Variants in AURKA observed in about 807,000 individuals in gnomAD.
AURKA encodes aurora 2.
A neutral mutation model predicts 40.9 loss-of-function variants in AURKA; 12 were observed. The ratio of observed to expected loss-of-function variants is 0.29; its 90% CI spans 0.19 to 0.48. AURKA has a LOEUF of 0.48. AURKA is among the 20% of genes least tolerant of loss of function. The pLI, the probability that AURKA is intolerant of heterozygous loss-of-function variation, is 0.99. For synonymous variants in AURKA, 170 were observed against 164.3 expected (o/e 1.03, Z -0.26); for missense variants, 322 against 462.1 (o/e 0.70, Z 2.78).
At position 56,369,802 on chromosome 20, in the gene AURKA, C is replaced by G; in HGVS notation, c.*356G>C. ...GTTATTGCACAGCTCCTTAACTGATCGGGGTCAGGGCAGAGTGGTCACTTT... is the reference window on the plus strand; with the variant it reads ...GTTATTGCACAGCTCCTTAACTGATGGGGGTCAGGGCAGAGTGGTCACTTT... On this transcript the variant is annotated 3_prime_UTR_variant, in exon 9 of 9. Coordinates refer to ENST00000395915, the MANE Select transcript of AURKA (RefSeq NM_198437.3). The G allele has an allele frequency of 2.2e-6, 1 of 463,772 alleles. No individual in the cohort carries two copies. The highest frequency in any genetic ancestry group is 4.0e-6 in the Non-Finnish European group (1 of 250,778). 28.7% of individuals were successfully genotyped at this position (463,772 alleles called of 1,614,324 possible). A position where few individuals can be genotyped will look rare whatever the true frequency, so the allele number is the denominator to read the frequency against.
intron 1 of AURKA, among the ~76,000 whole-genome samples, chr20:56,389,734 A>G (rs1429953879): frequency 6.6e-6 from 1 of 152,130 alleles, no homozygotes; most frequent in African/African-American, 2.4e-5. Flanking sequence ...GTCTCTAGAC[A>G]TCCTCATCTC....
At chr20:56,383,745 G>T (rs1328166354) in intron 4 of AURKA, among the ~76,000 whole-genome samples, 2 of 152,288 alleles carry the variant, frequency 1.3e-5, no homozygotes, top group East Asian at 3.9e-4. Context: ...AGAGTCTGTG[G>T]GTTCATTCCT....
intron 1 of AURKA, among the ~76,000 whole-genome samples, chr20:56,389,560 T>TC (rs974141992): frequency 7.9e-5 from 12 of 152,246 alleles, no homozygotes; most frequent in Admixed American, 7.8e-4. Context: ...GGCTGAGGAC[T>TC]CCCAAATATT....
intron 1 of AURKA, chr20:56,388,419 G>A (rs1450011619): frequency 3.2e-5 from 19 of 593,330 alleles, no homozygotes; most frequent in East Asian, 1.4e-4. Flanking sequence ...CCTCTGTCAC[G>A]GAGTCTTCAC....
In AURKA at chr20:56,373,510, C is replaced by G. The variant is rs369218936; in HGVS notation, c.752G>C (p.Arg251Thr). The change falls in exon 7 of 9, where the codon AGA becomes ACA. Residue 251 changes from arginine (R) to threonine (T), a missense_variant. Arg to Thr is a moderately conservative substitution (Grantham distance 71). Transcript: ENST00000395915. The surrounding 1 kb of genome is among the most constrained non-coding windows in gnomAD (Gnocchi z 5.0). ...ANALSYCHSK[R>T]VIHRDIKPEN... is the part of the protein sequence containing the mutation. The stretch of plus-strand genomic sequence containing the variant: ...TGGCTTAATGTCTCTATGAATAACT[C>G]TCTTCGAATGACAGTAAGACAGGGC... 8.5e-5 allele frequency: 137 copies of G among 1,614,112 alleles called. No individual in the cohort carries two copies. Among genetic ancestry groups the G allele is most frequent in the Non-Finnish European group, 1.1e-4 (128 of 1,180,042 alleles).
chr20:56,391,621 A>G (rs887988976), intron 1 of AURKA, among the ~76,000 whole-genome samples: 17 of 152,174 alleles, frequency 1.1e-4, no homozygotes, highest in African/African-American at 3.9e-4. Flanking sequence ...TCTGAGAAGT[A>G]CGGACCGGGA....
intron 2 of AURKA, 109 bp downstream of exon 2, chr20:56,388,047 G>C: frequency 6.5e-6 from 1 of 153,226 alleles, no homozygotes; most frequent in South Asian, 6.6e-5. Flanking sequence ...CAGGATCACA[G>C]TAAGGGATCT....
rs1371585869 is a variant in AURKA, at chr20:56,386,274, G to T, written c.302C>A (p.Pro101His). Residue 101 changes from proline (P) to histidine (H), a missense_variant, in exon 3 of 9, where the codon CCC becomes CAC. Pro to His is a moderately conservative substitution (Grantham distance 77). Transcript: ENST00000395915. Reference protein sequence around the residue: ...PLNNTQKSKQPLPSAPENNPE... With the variant: ...PLNNTQKSKQHLPSAPENNPE... ...TAGTTTACCAGGTGCCGATGGCAGG[G>T]GCTGCTTGCTCTTTTGGGTGTTATT... 6.2e-7 allele frequency: 1 copy of T among 1,614,114 alleles called. No individual in the cohort carries two copies. Among genetic ancestry groups the T allele is most frequent in the Admixed American group, 1.7e-5 (1 of 60,006 alleles).
chr20:56,369,963 T>G lies in AURKA; in HGVS notation c.*195A>C. On this transcript the variant is annotated 3_prime_UTR_variant, in exon 9 of 9. Coordinates refer to ENST00000395915, the MANE Select transcript of AURKA (RefSeq NM_198437.3). ...GCACAATTCTCGTGGCTACTTTCAC[T>G]TCAGAGTGTCATGTTTATTGATGTG... The G allele has an allele frequency of 1.4e-6, 1 of 712,628 alleles. No homozygotes were observed. The highest frequency in any genetic ancestry group is 2.1e-5 in the Admixed American group (1 of 47,008). 44.1% of individuals were successfully genotyped at this position (712,628 alleles called of 1,614,324 possible). A position where few individuals can be genotyped will look rare whatever the true frequency, so the allele number is the denominator to read the frequency against.
At chr20:56,385,689 G>A (rs1986270670) in intron 3 of AURKA, among the ~76,000 whole-genome samples, 2 of 152,102 alleles carry the variant, frequency 1.3e-5, no homozygotes, top group Non-Finnish European at 1.5e-5. Flanking sequence ...TCCAACTCCT[G>A]ACCTCAGGTG....
At chr20:56,371,324 T>G (rs1195375000) in intron 7 of AURKA, among the ~76,000 whole-genome samples, 2 of 151,194 alleles carry the variant, frequency 1.3e-5, no homozygotes, top group African/African-American at 2.4e-5. Flanking sequence ...TAGCCGGGTG[T>G]GGTGGTGTGC....
chr20:56,371,611 GACCACAGAGACAATCCA>G (rs1037349618), intron 7 of AURKA, among the ~76,000 whole-genome samples: 2 of 151,850 alleles, frequency 1.3e-5, no homozygotes, highest in Non-Finnish European at 2.9e-5. Context: ...TCTGGCTTTA[GACCACAGAGACAATCCA>G]ACCACAGAGA....
Position 56,370,610 on chromosome 20 carries a change from C to A in AURKA, c.904G>T (p.Glu302Ter). Residue 302 changes from glutamate to a stop codon, truncating the protein, a stop_gained, in exon 8 of 9, where the codon GAA becomes TAA. Transcript: ENST00000395915. LOFTEE classifies it high-confidence loss of function. ...TLDYLPPEMIEGRMHDEKVDL... is the reference protein window; with the variant it reads ...TLDYLPPEMI ...ACCTTCTCATCATGCATCCGACCTT[C>A]AATCATTTCAGGGGGCAGGTAGTCC... The A allele has an allele frequency of 6.2e-7, 1 of 1,614,198 alleles. No homozygotes were observed. The highest frequency in any genetic ancestry group is 8.5e-7 in the Non-Finnish European group (1 of 1,180,048).
rs2146143207 is a variant in AURKA at position 56,373,787 on chromosome 20, C to CA, written c.706-232dup. ...GAAACATAGCAAGACTCCATCTCTA[C>CA]AAAAATTTAAAAATTAGCTGAGCGT... On this transcript the variant is annotated intron_variant, in intron 6 of 8. Coordinates refer to ENST00000395915, the MANE Select transcript of AURKA (RefSeq NM_198437.3). This position sits in a 1 kb window ranked among gnomAD's most constrained non-coding sequence, Gnocchi z 5.0. 6.6e-6 allele frequency among the ~76,000 whole-genome samples: 1 copy of CA among 152,014 alleles called. No homozygotes were observed. The highest frequency in any genetic ancestry group is 2.4e-5 in the African/African-American group (1 of 41,474).
At chr20:56,380,359 A>AC (rs1985548924) in intron 6 of AURKA, among the ~76,000 whole-genome samples, 1 of 131,268 alleles carries the variant, frequency 7.6e-6, no homozygotes, top group Non-Finnish European at 1.7e-5. Context: ...CGTCTCAAAA[A>AC]GAAAAAAAAA....
chr20:56,379,266 C>A (rs750193847), intron 6 of AURKA, among the ~76,000 whole-genome samples: 3 of 152,132 alleles, frequency 2.0e-5, no homozygotes, highest in Non-Finnish European at 4.4e-5. Flanking sequence ...TACCATTATA[C>A]ATGTATATTG....
rs113866052 is a variant in AURKA, at chr20:56,392,177, A to T, written c.-15T>A. 1.3e-5 allele frequency: 2 copies of T among 152,234 alleles called. No homozygotes were observed. The allele number at this position is 152,234 out of a possible 1,614,324, so 9.4% of individuals were successfully genotyped here. ...ACCCGTCGGCTCCCACCTGCGACCC[A>T]AGGACCCAAGTCTTCCAAGAGCTCA... On this transcript the variant is annotated 5_prime_UTR_variant, in exon 1 of 9. Transcript: ENST00000395915.
chr20:56,376,897 T>C (rs1211443407), intron 6 of AURKA, among the ~76,000 whole-genome samples: 3 of 152,072 alleles, frequency 2.0e-5, no homozygotes, highest in Non-Finnish European at 4.4e-5. Flanking sequence ...CTGGCCAACA[T>C]GATGAAACCC....
chr20:56,386,559 T>A (rs774642788), intron 2 of AURKA, 26 bp from the exon 3 acceptor site: 2 of 1,614,028 alleles, frequency 1.2e-6, no homozygotes, highest in Non-Finnish European at 1.7e-6. Flanking sequence ...AAATAAACTT[T>A]CTGGCATTCA....
Sources: gnomAD v4.1 joint callset for allele counts (sites outside exome capture counted in the v4.1 genomes callset) on GRCh38, gnomAD v4.1.1 for gene constraint, Gnocchi (gnomAD v3.1) non-coding constraint, MANE v1.5 for transcripts, NCBI Gene and HGNC (gene_info 2026-07-23, HGNC 2026-07-21) for gene names.